RNFT2: variants seen among roughly 807,000 people sequenced by gnomAD.
The protein encoded by RNFT2 is ring finger protein, transmembrane 2.
RNFT2 carries 36 observed loss-of-function variants against 53.0 expected under a neutral mutation model. The observed-to-expected ratio is 0.68, with a 90% CI of 0.52 to 0.90. The LOEUF (loss-of-function observed/expected upper bound fraction) is 0.90, where lower values mean the gene tolerates loss of function less well. Ranked by LOEUF, RNFT2 falls within the 40% of genes least tolerant of loss-of-function variation. The probability of loss-of-function intolerance (pLI) is 0.00; values close to 1 mark genes in which losing one functional copy is unlikely to be tolerated. For synonymous variants in RNFT2, 260 were observed against 253.2 expected (o/e 1.03, Z -0.26); for missense variants, 514 against 585.6 (o/e 0.88, Z 1.26).
Position 116,852,365 on chromosome 12 carries a change from C to T in RNFT2, c.*2917C>T. On this transcript the variant is annotated 3_prime_UTR_variant, in exon 11 of 11. Coordinates refer to ENST00000257575, the MANE Select transcript of RNFT2 (RefSeq NM_001382266.1). ...TCAGGACATTTGCCCCTGTGTGCCA[C>T]CAAACCAGGACTTTCCCCTTGGCTT... 2 of 1,262,580 alleles carry T rather than the reference C, an allele frequency of 1.6e-6. No homozygotes were observed. The highest frequency in any genetic ancestry group is 2.0e-6 in the Non-Finnish European group (2 of 997,812). 78.2% of individuals were successfully genotyped at this position (1,262,580 alleles called of 1,614,324 possible).
At position 116,811,444 on chromosome 12, in the gene RNFT2, CG is replaced by C. The variant is rs200961313; in HGVS notation, c.883-22346del. Among the ~76,000 whole-genome samples, 785 of 151,332 alleles carry C rather than the reference CG, an allele frequency of 5.2e-3. 1 individual carries two copies. Among genetic ancestry groups the C allele is most frequent in the Middle Eastern group, 0.017 (5 of 294 alleles). On this transcript the variant is annotated intron_variant, in intron 7 of 10. Transcript: ENST00000257575. ...AGGCTGGAGTGCAGTGGGGCCATCT[CG>C]GCTCACTGCAACCTCTGTTTCCCAG...
intron 7 of RNFT2, among the ~76,000 whole-genome samples, chr12:116,780,953 C>T (rs1463095469): frequency 6.6e-6 from 1 of 152,142 alleles, no homozygotes; most frequent in African/African-American, 2.4e-5. Flanking sequence ...TGACAAAAAC[C>T]TAGTTTCCTC....
chr12:116,803,720 C>G (rs897625463), intron 7 of RNFT2, among the ~76,000 whole-genome samples: 3 of 152,198 alleles, frequency 2.0e-5, no homozygotes, highest in African/African-American at 7.2e-5. Context: ...CCAGGATGTT[C>G]TCATAGGACA....
intron 7 of RNFT2, among the ~76,000 whole-genome samples, chr12:116,806,984 A>G (rs762714538): frequency 2.1e-4 from 32 of 152,164 alleles, no homozygotes; most frequent in Admixed American, 4.6e-4. Context: ...CCCTTTTTAC[A>G]TGGCTTCCCG....
At chr12:116,841,855 A>AGAGAAAGAGAGAGAGAGAG (rs1565876093) in intron 10 of RNFT2, among the ~76,000 whole-genome samples, 2 of 24,532 alleles carry the variant, frequency 8.2e-5, no homozygotes, top group African/African-American at 3.1e-4. Context: ...AAATATATAT[A>AGAGAAAGAGAGAGAGAGAG]AAAATATATA....
At chr12:116,813,552 A>G (rs1356019888) in intron 7 of RNFT2, among the ~76,000 whole-genome samples, 5 of 152,112 alleles carry the variant, frequency 3.3e-5, no homozygotes, top group African/African-American at 1.2e-4. Context: ...CCCCGAGGCC[A>G]CTTCTGTTGT....
At position 116,853,196 on chromosome 12, in the gene RNFT2, G is replaced by A. The variant is rs1032854638; in HGVS notation, c.*3748G>A. On this transcript the variant is annotated 3_prime_UTR_variant, in exon 11 of 11. Coordinates refer to ENST00000257575, the MANE Select transcript of RNFT2 (RefSeq NM_001382266.1). ...AGTGCGAAAGCAGCCAGGAGTCCCC[G>A]TTGGAAAAGAACAATGCCACTCTCT... The A allele has an allele frequency of 2.3e-5, 9 of 399,210 alleles. No homozygotes were observed. The highest frequency in any genetic ancestry group is 3.5e-5 in the Non-Finnish European group (8 of 226,652). 24.7% of individuals were successfully genotyped at this position (399,210 alleles called of 1,614,324 possible). A position where few individuals can be genotyped will look rare whatever the true frequency, so the allele number is the denominator to read the frequency against.
In RNFT2 at chr12:116,741,083, T is replaced by C; in HGVS notation, c.72T>C (p.Ile24=). 1 of 1,610,328 alleles carries C rather than the reference T, an allele frequency of 6.2e-7. No homozygotes were observed. Among genetic ancestry groups the C allele is most frequent in the Non-Finnish European group, 8.5e-7 (1 of 1,178,280 alleles). The change falls in exon 3 of 11, where the codon ATT becomes ATC. Residue 24 remains isoleucine, a synonymous_variant. Transcript: ENST00000257575. ...GCCACAGCAGCAACACGGATAACAT[T>C]CCACCTGAAAGGTAGGCATCCCTGC... ...QRRHSSNTDN[I]PPERNRSQAL...
intron 5 of RNFT2, among the ~76,000 whole-genome samples, chr12:116,756,148 C>T (rs1872501529): frequency 6.6e-6 from 1 of 151,892 alleles, no homozygotes; most frequent in African/African-American, 2.4e-5. Flanking sequence ...TTGTAGATTG[C>T]TTTTGGCAGT....
chr12:116,825,308 G>C (rs1336778357), intron 7 of RNFT2, among the ~76,000 whole-genome samples: 2 of 152,214 alleles, frequency 1.3e-5, no homozygotes, highest in Non-Finnish European at 2.9e-5. Context: ...AAAGCTGTCT[G>C]ATCTCTTAAG....
intron 10 of RNFT2, among the ~76,000 whole-genome samples, chr12:116,838,545 A>G (rs1426103756): frequency 1.3e-5 from 2 of 152,206 alleles, no homozygotes; most frequent in Non-Finnish European, 2.9e-5. Context: ...TCCCTCACCA[A>G]CACACAGCGT....
chr12:116,810,496 CAAAT>C (rs1242570029), intron 7 of RNFT2, among the ~76,000 whole-genome samples: 2 of 152,084 alleles, frequency 1.3e-5, no homozygotes, highest in African/African-American at 4.8e-5. Context: ...GAGTGACTCT[CAAAT>C]AAAGTGATGA....
intron 8 of RNFT2, 120 bp from the exon 9 acceptor site, chr12:116,835,840 G>A: frequency 1.1e-6 from 1 of 931,380 alleles, no homozygotes. Context: ...GAGAAGAGGA[G>A]CCCTAAAAAT....
chr12:116,843,662 A>G (rs1434150216), intron 10 of RNFT2, among the ~76,000 whole-genome samples: 2 of 151,498 alleles, frequency 1.3e-5, no homozygotes, highest in Non-Finnish European at 2.9e-5. Context: ...CTTTCTCCAC[A>G]TGCTGGAGGC....
At chr12:116,741,012 G>A (rs930326877) in intron 2 of RNFT2, 24 bp from the exon 3 acceptor site, 1 of 1,599,190 alleles carries the variant, frequency 6.3e-7, no homozygotes, top group South Asian at 1.1e-5. Context: ...GGAGACTCTG[G>A]CTCACCCATG....
chr12:116,743,214 A>AAAAAAAAAAAAAC (rs1871709386), intron 3 of RNFT2, among the ~76,000 whole-genome samples: 1 of 53,626 alleles, frequency 1.9e-5, no homozygotes, highest in Non-Finnish European at 3.5e-5. Flanking sequence ...GGTAGAATCT[A>AAAAAAAAAAAAAC]AAAAAAAAAA....
In RNFT2 at chr12:116,749,855, C is replaced by T. The variant is rs1165338485; in HGVS notation, c.98C>T (p.Ala33Val). The T allele has an allele frequency of 7.6e-6, 12 of 1,578,852 alleles. No individual in the cohort carries two copies. The highest frequency in any genetic ancestry group is 7.0e-5 in the East Asian group (3 of 43,132). ...TTGGCACCCAGAAACCGCAGCCAGGCGCTCAGCTCCGAGGCGAGTGTGGAT... is the reference window on the plus strand; with the variant it reads ...TTGGCACCCAGAAACCGCAGCCAGGTGCTCAGCTCCGAGGCGAGTGTGGAT... The part of the protein sequence containing the change: ...NIPPERNRSQ[A>V]LSSEASVDEG... Residue 33 changes from alanine (A) to valine (V), a missense_variant, in exon 4 of 11, where the codon GCG (alanine) becomes GTG (valine). Transcript: ENST00000257575.
rs1419046914 is a variant in RNFT2 at position 116,852,479 on chromosome 12, C to CATG, written c.*3035_*3037dup. The CATG allele has an allele frequency of 2.3e-5, 34 of 1,472,618 alleles. No homozygotes were observed. Among genetic ancestry groups the CATG allele is most frequent in the Admixed American group, 1.2e-4 (5 of 41,360 alleles). The allele number at this position is 1,472,618 out of a possible 1,614,324, so 91.2% of individuals were successfully genotyped here. The stretch of plus-strand genomic sequence containing the variant: ...CAAGCTCCGTTACTATGGCGATGGC[C>CATG]ATGATGTTACAATCCCACTTGCCTG... On this transcript the variant is annotated 3_prime_UTR_variant, in exon 11 of 11. Transcript: ENST00000257575.
At chr12:116,771,296 C>CA (rs1287816188) in intron 6 of RNFT2, among the ~76,000 whole-genome samples, 1 of 151,112 alleles carries the variant, frequency 6.6e-6, no homozygotes, top group African/African-American at 2.4e-5. Context: ...TCCATCTCTA[C>CA]AAAAAATACA....
Sources: gnomAD v4.1 joint callset for allele counts (sites outside exome capture counted in the v4.1 genomes callset) on GRCh38, gnomAD v4.1.1 for gene constraint, MANE v1.5 for transcripts, NCBI Gene and HGNC (gene_info 2026-07-23, HGNC 2026-07-21) for gene names.